Variants in ABR observed in about 807,000 individuals in gnomAD.
The protein encoded by ABR is active breakpoint cluster region-related protein.
A neutral mutation model predicts 107.2 loss-of-function variants in ABR; 35 were observed. The ratio of observed to expected loss-of-function variants is 0.33; its 90% CI spans 0.25 to 0.43. ABR has a LOEUF of 0.43. ABR is among the 20% of genes least tolerant of loss of function. The pLI is 1.00. For missense variants in ABR, 815 were observed against 1,115.2 expected (o/e 0.73, Z 3.83); for synonymous variants, 498 against 462.0 (o/e 1.08, Z -1.00).
chr17:1,016,211 C>G (rs1183033055), intron 16 of ABR, among the ~76,000 whole-genome samples: 1 of 152,132 alleles, frequency 6.6e-6, no homozygotes, highest in African/African-American at 2.4e-5. Flanking sequence ...AAATTGAGTC[C>G]TCCATCAGTT....
intron 2 of ABR, among the ~76,000 whole-genome samples, chr17:1,121,011 C>T (rs1443787694): frequency 6.6e-6 from 1 of 152,246 alleles, no homozygotes; most frequent in Non-Finnish European, 1.5e-5. Context: ...TGAGATGAGT[C>T]CTGGCCCTTT....
At chr17:1,105,240 C>A (rs2261751) in intron 2 of ABR, among the ~76,000 whole-genome samples, 2 of 151,704 alleles carry the variant, frequency 1.3e-5, no homozygotes, top group African/African-American at 2.4e-5. Flanking sequence ...AACTCCTGAC[C>A]TCATGATCCA....
rs867840827 is a variant in ABR at position 1,050,726 on chromosome 17, T to C, written c.1562-92A>G. ...TCAGGATGGAGGGGGACATCGCATCTGTCCTTTCCAACGTCCCCACGGATG... is the reference window on the plus strand; with the variant it reads ...TCAGGATGGAGGGGGACATCGCATCCGTCCTTTCCAACGTCCCCACGGATG... On this transcript the variant is annotated intron_variant, in intron 14 of 22. Transcript: ENST00000302538. The surrounding 1 kb of genome is among the most constrained non-coding windows in gnomAD (Gnocchi z 4.6). 2.9e-6 allele frequency: 3 copies of C among 1,019,660 alleles called. No homozygotes were observed. In the Middle Eastern group the frequency reaches 6.9e-4, roughly 235 times the overall value. 63.2% of individuals were successfully genotyped at this position (1,019,660 alleles called of 1,614,324 possible). A position where few individuals can be genotyped will look rare whatever the true frequency, so the allele number is the denominator to read the frequency against.
In ABR at chr17:1,161,688, A is replaced by G. The variant is rs7219087; in HGVS notation, c.61+17979T>C. ...TCCTGCCTCAACTTCTCTAGTAGCT[A>G]GGATTACAGGCGTGTACCACCACAC... On this transcript the variant is annotated intron_variant, in intron 1 of 22. Coordinates refer to ENST00000302538, the MANE Select transcript of ABR (RefSeq NM_021962.5). 7.5e-4 allele frequency among the ~76,000 whole-genome samples: 114 copies of G among 151,660 alleles called. 2 individuals carry two copies. The highest frequency in any genetic ancestry group is 6.8e-3 in the East Asian group (35 of 5,142).
intron 1 of ABR, among the ~76,000 whole-genome samples, chr17:1,201,553 T>G (rs1036603938): frequency 6.6e-6 from 1 of 152,092 alleles, no homozygotes. Context: ...GGCCCCCCGA[T>G]GCCGAAGAGA....
intron 16 of ABR, among the ~76,000 whole-genome samples, chr17:1,030,925 GC>G (rs1176773624): frequency 6.6e-6 from 1 of 152,224 alleles, no homozygotes; most frequent in Non-Finnish European, 1.5e-5. Context: ...CGTGCCTGAT[GC>G]CAGGGCCCCA....
upstream of ABR, among the ~76,000 whole-genome samples, chr17:1,181,307 CA>C (rs2042125744): frequency 6.6e-6 from 1 of 152,166 alleles, no homozygotes; most frequent in East Asian, 1.9e-4. Context: ...GCAGCTGCCC[CA>C]GGGGAGATGG....
chr17:1,153,309 T>G (rs1304032539), intron 1 of ABR, among the ~76,000 whole-genome samples: 1 of 152,232 alleles, frequency 6.6e-6, no homozygotes, highest in Non-Finnish European at 1.5e-5. Flanking sequence ...CCCCCCAGCC[T>G]GGCCAATGCC....
Position 1,005,902 on chromosome 17 carries a change from A to C in ABR, c.*178T>G. Reference sequence around the variant, plus strand: ...TGCGGTGGTGAGGCTGGGGCTGGGCAGCCGGCTTTGTACAAGGTGGCACAA... The same window carrying C: ...TGCGGTGGTGAGGCTGGGGCTGGGCCGCCGGCTTTGTACAAGGTGGCACAA... On this transcript the variant is annotated 3_prime_UTR_variant, in exon 23 of 23. Coordinates refer to ENST00000302538, the MANE Select transcript of ABR (RefSeq NM_021962.5). The C allele has an allele frequency of 1.6e-6, 1 of 641,150 alleles. No homozygotes were observed. Among genetic ancestry groups the C allele is most frequent in the Non-Finnish European group, 2.8e-6 (1 of 360,380 alleles). 39.7% of individuals were successfully genotyped at this position (641,150 alleles called of 1,614,324 possible).
intron 1 of ABR, among the ~76,000 whole-genome samples, chr17:1,203,579 G>A (rs969817995): frequency 6.6e-6 from 1 of 152,044 alleles, no homozygotes; most frequent in African/African-American, 2.4e-5. Context: ...AGTCCTCCAG[G>A]CGCGGTTAAT....
At chr17:1,098,877 C>T (rs552660703) in intron 3 of ABR, among the ~76,000 whole-genome samples, 198 of 152,352 alleles carry the variant, frequency 1.3e-3, no homozygotes, top group African/African-American at 4.0e-3. Flanking sequence ...CCTCCACCTC[C>T]CGGGTTCAAG....
At chr17:1,116,083 G>C (rs1392815988) in intron 2 of ABR, among the ~76,000 whole-genome samples, 1 of 149,852 alleles carries the variant, frequency 6.7e-6, no homozygotes, top group Non-Finnish European at 1.5e-5. Context: ...AAAATTAGCC[G>C]GATGTGGTGG....
chr17:1,123,299 TG>T (rs895523499), intron 2 of ABR, among the ~76,000 whole-genome samples: 50 of 152,230 alleles, frequency 3.3e-4, no homozygotes, highest in African/African-American at 1.2e-3. Flanking sequence ...ACATCAACCC[TG>T]GGGGCCACAA....
chr17:1,041,454 G>A (rs944564239), intron 16 of ABR, among the ~76,000 whole-genome samples: 1 of 152,148 alleles, frequency 6.6e-6, no homozygotes, highest in Non-Finnish European at 1.5e-5. Flanking sequence ...AAGAAACTTG[G>A]CCGGGTGCGG....
chr17:1,142,851 G>C (rs1159847914), intron 1 of ABR, among the ~76,000 whole-genome samples: 1 of 152,186 alleles, frequency 6.6e-6, no homozygotes, highest in Non-Finnish European at 1.5e-5. Flanking sequence ...CAGCCACTGG[G>C]AGCACAGACA....
chr17:1,049,525 G>A (rs2032199170), intron 16 of ABR, among the ~76,000 whole-genome samples: 1 of 152,076 alleles, frequency 6.6e-6, no homozygotes, highest in Non-Finnish European at 1.5e-5. Context: ...CCCACCCGAA[G>A]CCACAGACTC....
At chr17:1,159,090 C>G (rs2041155816) in intron 1 of ABR, among the ~76,000 whole-genome samples, 1 of 152,230 alleles carries the variant, frequency 6.6e-6, no homozygotes, top group African/African-American at 2.4e-5. Flanking sequence ...ATGCGTAAAA[C>G]TAAACTATGC....
intron 2 of ABR, among the ~76,000 whole-genome samples, chr17:1,122,989 G>A (rs893151723): frequency 1.3e-5 from 2 of 152,188 alleles, no homozygotes; most frequent in Non-Finnish European, 2.9e-5. Flanking sequence ...TAGGGGAGGG[G>A]ACCTGTTTGG....
At position 1,136,651 on chromosome 17, in the gene ABR, G is replaced by A. The variant is rs139692585; in HGVS notation, c.62-11284C>T. Among the ~76,000 whole-genome samples, 227 of 152,266 alleles carry A rather than the reference G, an allele frequency of 1.5e-3. 2 individuals are homozygous for A. The highest frequency in any genetic ancestry group is 5.1e-3 in the African/African-American group (210 of 41,544). Reference sequence around the variant, plus strand: ...CTTTGCCTTTTTCTGTTATGAAAGCGGCTTCTTTCCTGACCCCTCATGAAC... The same window carrying A: ...CTTTGCCTTTTTCTGTTATGAAAGCAGCTTCTTTCCTGACCCCTCATGAAC... On this transcript the variant is annotated intron_variant, in intron 1 of 22. Coordinates refer to ENST00000302538, the MANE Select transcript of ABR (RefSeq NM_021962.5).
Sources: gnomAD v4.1 joint callset for allele counts (sites outside exome capture counted in the v4.1 genomes callset) on GRCh38, gnomAD v4.1.1 for gene constraint, Gnocchi (gnomAD v3.1) non-coding constraint, MANE v1.5 for transcripts, NCBI Gene and HGNC (gene_info 2026-07-23, HGNC 2026-07-21) for gene names.